Variants in NUP155 observed in about 807,000 individuals in gnomAD.
NUP155 encodes nucleoporin 155.
Under a neutral mutation model 180.4 loss-of-function variants are expected in NUP155, and 71 were observed. The ratio of observed to expected loss-of-function variants is 0.39; its 90% CI spans 0.33 to 0.48. The LOEUF (loss-of-function observed/expected upper bound fraction) is 0.48. Ranked by LOEUF, NUP155 falls within the 20% of genes least tolerant of loss-of-function variation. The pLI is 0.91. For synonymous variants in NUP155, 582 were observed against 559.5 expected (o/e 1.04, Z -0.57); for missense variants, 1,553 against 1,648.9 (o/e 0.94, Z 1.01).
chr5:37,353,363 A>C (rs1448830825), intron 4 of NUP155, among the ~76,000 whole-genome samples: 1 of 152,082 alleles, frequency 6.6e-6, no homozygotes, highest in Non-Finnish European at 1.5e-5. Context: ...CAGGCAAATC[A>C]CCTGAGGTCA....
chr5:37,293,693 T>A (rs1054217911), intron 33 of NUP155, among the ~76,000 whole-genome samples: 24 of 152,302 alleles, frequency 1.6e-4, no homozygotes, highest in African/African-American at 5.8e-4. Flanking sequence ...GTAATCTTGT[T>A]CTTTTAAAGC....
intron 33 of NUP155, 89 bp from the exon 34 acceptor site, chr5:37,293,074 A>G: frequency 1.1e-6 from 1 of 878,518 alleles, no homozygotes; most frequent in South Asian, 1.4e-5. Context: ...ATCAGGATCC[A>G]TGCAAAACTT....
chr5:37,303,350 C>A lies in NUP155; in HGVS notation c.3227G>T (p.Arg1076Leu), dbSNP rs559845218. The change falls in exon 28 of 35, where the codon CGT becomes CTT. Residue 1076 changes from arginine (R) to leucine (L), a missense_variant. Arg to Leu is a moderately radical substitution (Grantham distance 102). Coordinates refer to ENST00000231498, the MANE Select transcript of NUP155 (RefSeq NM_153485.3). ...RMAKVDQNRV[R>L]YMDLLWRYYE... ...ATACCGCCAGAGTAAATCCATATAA[C>A]GAACTCTGTTTTGATCAACTTTGGC... 3 of 1,613,970 alleles carry A rather than the reference C, an allele frequency of 1.9e-6. No individual in the cohort carries two copies. The South Asian group carries it at 3.3e-5, about 18-fold the overall frequency.
intron 23 of NUP155, chr5:37,309,602 C>A: frequency 4.2e-6 from 1 of 237,578 alleles, no homozygotes; most frequent in Non-Finnish European, 8.3e-6. Flanking sequence ...AAAATGCCCC[C>A]ATTAACTCTA....
intron 11 of NUP155, among the ~76,000 whole-genome samples, chr5:37,338,410 C>G (rs1273779023): frequency 1.4e-5 from 2 of 138,654 alleles, no homozygotes; most frequent in Non-Finnish European, 3.1e-5. Flanking sequence ...CAACATCAAT[C>G]TTTTTTTTTT....
At chr5:37,325,683 C>T (rs541278887) in intron 19 of NUP155, among the ~76,000 whole-genome samples, 3 of 147,462 alleles carry the variant, frequency 2.0e-5, no homozygotes, top group African/African-American at 5.0e-5. Flanking sequence ...GTGGGAGGAT[C>T]GCTTGACCCC....
intron 23 of NUP155, 138 bp from the exon 24 acceptor site, chr5:37,309,405 T>A: frequency 1.3e-6 from 1 of 753,650 alleles, no homozygotes; most frequent in Non-Finnish European, 2.1e-6. Flanking sequence ...CAAACTTACT[T>A]CTTAATTTTA....
At chr5:37,342,806 G>A (rs971884690) in intron 9 of NUP155, among the ~76,000 whole-genome samples, 160 bp from the exon 10 acceptor site, 4 of 151,368 alleles carry the variant, frequency 2.6e-5, no homozygotes, top group Non-Finnish European at 5.9e-5. Flanking sequence ...GCGTGATCTC[G>A]GCTCACTGCA....
chr5:37,362,756 A>T (rs949342921), intron 3 of NUP155, among the ~76,000 whole-genome samples: 4 of 152,244 alleles, frequency 2.6e-5, no homozygotes, highest in African/African-American at 9.6e-5. Flanking sequence ...TTCAGGGTAC[A>T]TGAAAAATAA....
chr5:37,345,062 G>A (rs1034989536), intron 9 of NUP155, among the ~76,000 whole-genome samples: 8 of 149,028 alleles, frequency 5.4e-5, no homozygotes, highest in Non-Finnish European at 1.2e-4. Flanking sequence ...CCGTGCCTGT[G>A]GTCCCAGCTG....
chr5:37,327,266 T>A, intron 18 of NUP155: 1 of 289,406 alleles, frequency 3.5e-6, no homozygotes, highest in Non-Finnish European at 6.6e-6. Flanking sequence ...AATTGATTAC[T>A]TATCAGTGAG....
chr5:37,296,550 G>A (rs963033663), intron 32 of NUP155, among the ~76,000 whole-genome samples: 20 of 147,466 alleles, frequency 1.4e-4, no homozygotes, highest in African/African-American at 3.7e-4. Flanking sequence ...CAAACGCTGC[G>A]GAAGGCAGCC....
chr5:37,308,355 C>T (rs1017719418), intron 24 of NUP155, among the ~76,000 whole-genome samples: 2 of 151,872 alleles, frequency 1.3e-5, no homozygotes, highest in Non-Finnish European at 2.9e-5. Context: ...GAGATCGAGA[C>T]CACCCTGGCT....
At chr5:37,341,516 C>T (rs1745720218) in intron 10 of NUP155, among the ~76,000 whole-genome samples, 1 of 151,984 alleles carries the variant, frequency 6.6e-6, no homozygotes, top group South Asian at 2.1e-4. Flanking sequence ...CATGTGCCAC[C>T]ACACCCGTCT....
intron 33 of NUP155, chr5:37,293,283 T>C (rs1172392602): frequency 1.4e-5 from 4 of 295,400 alleles, no homozygotes; most frequent in African/African-American, 2.2e-5. Context: ...AAAATCTTTC[T>C]TTCTATGGGT....
At chr5:37,326,055 A>G (rs1744583492) in intron 18 of NUP155, 88 bp from the exon 19 acceptor site, 2 of 944,604 alleles carry the variant, frequency 2.1e-6, no homozygotes, top group African/African-American at 1.6e-5. Context: ...TAATGGCTTT[A>G]TTCAGTTTTT....
intron 21 of NUP155, among the ~76,000 whole-genome samples, chr5:37,314,688 T>C (rs1193805207): frequency 2.6e-5 from 4 of 151,754 alleles, no homozygotes; most frequent in African/African-American, 9.7e-5. Flanking sequence ...ACATAAAAAA[T>C]TAGCTGGTGG....
chr5:37,355,369 A>G (rs1356115730), intron 4 of NUP155, among the ~76,000 whole-genome samples: 1 of 150,650 alleles, frequency 6.6e-6, no homozygotes, highest in East Asian at 2.0e-4. Flanking sequence ...TTAGCCGGGA[A>G]TGGTGGCACA....
At chr5:37,360,235 G>A (rs1378912039) in intron 3 of NUP155, among the ~76,000 whole-genome samples, 3 of 152,124 alleles carry the variant, frequency 2.0e-5, no homozygotes, top group African/African-American at 4.8e-5. Flanking sequence ...GTAATCCCCA[G>A]CATTTTGGGA....
Sources: gnomAD v4.1 joint callset for allele counts (sites outside exome capture counted in the v4.1 genomes callset) on GRCh38, gnomAD v4.1.1 for gene constraint, MANE v1.5 for transcripts, NCBI Gene and HGNC (gene_info 2026-07-23, HGNC 2026-07-21) for gene names.